CDH13: variants seen among roughly 807,000 people sequenced by gnomAD.
The protein encoded by CDH13 is cadherin 13.
In CDH13, 24 loss-of-function variants were observed where a neutral mutation model predicts 63.8. The ratio of observed to expected loss-of-function variants is 0.38; its 90% CI spans 0.27 to 0.53. The LOEUF (loss-of-function observed/expected upper bound fraction) is 0.53, where lower values mean the gene tolerates loss of function less well. Ranked by LOEUF, CDH13 falls within the 20% of genes least tolerant of loss-of-function variation. The probability of loss-of-function intolerance (pLI) is 0.85; values close to 1 mark genes in which losing one functional copy is unlikely to be tolerated. For missense variants in CDH13, 1,049 were observed against 903.1 expected (o/e 1.16, Z -2.07); for synonymous variants, 503 against 355.3 (o/e 1.42, Z -4.67).
Position 83,019,865 on chromosome 16 carries a change from G to A in CDH13, c.158-12145G>A, listed in dbSNP as rs567608320. The stretch of plus-strand genomic sequence containing the variant: ...AAAAAAAAAAAAAAACAATAAAAAC[G>A]ATAGTATATTAAATATATAAACCAG... On this transcript the variant is annotated intron_variant, in intron 2 of 13. Transcript: ENST00000567109. Among the ~76,000 whole-genome samples the A allele has an allele frequency of 1.1e-4, 16 of 141,152 alleles. No individual in the cohort carries two copies. The East Asian group carries it at 2.4e-3, about 21-fold the overall frequency. The allele number at this position is 141,152 out of a possible 152,430, so 92.6% of individuals were successfully genotyped here.
At chr16:83,080,595 A>G (rs1016169480) in intron 3 of CDH13, among the ~76,000 whole-genome samples, 1 of 152,092 alleles carries the variant, frequency 6.6e-6, no homozygotes, top group Non-Finnish European at 1.5e-5. Context: ...TAAGATTCAG[A>G]TGGTTTAAGT....
chr16:83,356,046 G>C (rs537708250), intron 6 of CDH13, among the ~76,000 whole-genome samples: 14 of 152,236 alleles, frequency 9.2e-5, no homozygotes, highest in African/African-American at 3.4e-4. Flanking sequence ...TCGAAACTCA[G>C]ACCTGTATGA....
At chr16:82,951,106 C>G (rs1027008385) in intron 2 of CDH13, among the ~76,000 whole-genome samples, 4 of 152,080 alleles carry the variant, frequency 2.6e-5, no homozygotes, top group African/African-American at 4.8e-5. Context: ...AGTGAGGGCA[C>G]AGGTCACAAT....
chr16:83,727,232 G>T (rs1298248301), intron 10 of CDH13, among the ~76,000 whole-genome samples: 1 of 151,884 alleles, frequency 6.6e-6, no homozygotes, highest in East Asian at 1.9e-4. Flanking sequence ...GTCTCTGTGG[G>T]TTTGCCTAGT....
chr16:83,256,759 G>A (rs1050546532), intron 5 of CDH13, among the ~76,000 whole-genome samples: 4 of 148,278 alleles, frequency 2.7e-5, no homozygotes, highest in African/African-American at 1.0e-4. Context: ...GCAGGAGAAT[G>A]GCATGAACCC....
intron 1 of CDH13, among the ~76,000 whole-genome samples, chr16:82,703,380 C>A (rs190153519): frequency 8.5e-5 from 13 of 152,248 alleles, no homozygotes; most frequent in Non-Finnish European, 1.3e-4. Flanking sequence ...GCTGCTGGAG[C>A]ATGGCAGGCC....
At position 83,424,093 on chromosome 16, in the gene CDH13, C is replaced by A. The variant is rs117869858; in HGVS notation, c.782-62384C>A. Among the ~76,000 whole-genome samples the A allele has an allele frequency of 7.4e-4, 112 of 151,362 alleles. 3 individuals carry two copies. In the East Asian group the frequency reaches 0.018, roughly 24 times the overall value. The stretch of plus-strand genomic sequence containing the variant: ...GGAAATCCAACAGGGACTGAAAAGT[C>A]TAGAAGAGGGAAATCCAAAACGTAC... On this transcript the variant is annotated intron_variant, in intron 6 of 13. Transcript: ENST00000567109.
intron 1 of CDH13, among the ~76,000 whole-genome samples, chr16:82,701,264 C>G (rs1360793580): frequency 1.3e-5 from 2 of 152,156 alleles, no homozygotes; most frequent in African/African-American, 4.8e-5. Flanking sequence ...GGCCCTAGTT[C>G]AAGGTCCTAT....
intron 6 of CDH13, among the ~76,000 whole-genome samples, chr16:83,466,473 A>C (rs2087373): frequency 0.47 from 70,746 of 151,846 alleles, 17,112 homozygotes; most frequent in East Asian, 0.82. Context: ...AGATGACATA[A>C]GCACACAGCC....
intron 2 of CDH13, among the ~76,000 whole-genome samples, chr16:83,029,312 C>G (rs533095004): frequency 2.5e-4 from 38 of 152,202 alleles, no homozygotes; most frequent in Middle Eastern, 6.8e-3. Context: ...TTGGCTTTAA[C>G]AGTGTGCTAG....
At position 83,470,430 on chromosome 16, in the gene CDH13, A is replaced by G. The variant is rs1342747586; in HGVS notation, c.782-16047A>G. ...GTAGCTCTCCTGGCCATCCCTTTGC[A>G]TAGGCCATAGTGGAAGCTTATAATT... On this transcript the variant is annotated intron_variant, in intron 6 of 13. Coordinates refer to ENST00000567109, the MANE Select transcript of CDH13 (RefSeq NM_001257.5). Among the ~76,000 whole-genome samples, 3 of 152,300 alleles carry G rather than the reference A, an allele frequency of 2.0e-5. No individual in the cohort carries two copies. The East Asian group carries it at 5.8e-4, about 29-fold the overall frequency.
chr16:82,925,411 G>C (rs1487347460), intron 2 of CDH13, among the ~76,000 whole-genome samples: 2 of 152,192 alleles, frequency 1.3e-5, no homozygotes, highest in East Asian at 3.8e-4. Flanking sequence ...CATGGCATTT[G>C]TATGCTGGGA....
chr16:82,724,897 C>G (rs1211266662), intron 1 of CDH13, among the ~76,000 whole-genome samples: 1 of 152,192 alleles, frequency 6.6e-6, no homozygotes, highest in Non-Finnish European at 1.5e-5. Flanking sequence ...GCCATTCTCT[C>G]TGTGACTCAG....
chr16:83,443,578 G>A (rs2072547829), intron 6 of CDH13, among the ~76,000 whole-genome samples: 1 of 151,752 alleles, frequency 6.6e-6, no homozygotes, highest in East Asian at 1.9e-4. Context: ...CTTCCTAAAG[G>A]AATCAGTGTC....
rs116627526 is a variant in CDH13 at position 82,634,471 on chromosome 16, C to T, written c.45+7334C>T. 6.6e-3 allele frequency among the ~76,000 whole-genome samples: 1,009 copies of T among 152,330 alleles called. 11 individuals carry two copies. The highest frequency in any genetic ancestry group is 0.023 in the African/African-American group (970 of 41,568). ...TCAGACTGCCCGGAGTATCCCTCCT[C>T]AACTGCCATCAGCCGTCGGGCATCT... is the stretch of plus-strand genomic sequence containing the variant. On this transcript the variant is annotated intron_variant, in intron 1 of 13. Transcript: ENST00000567109.
intron 1 of CDH13, among the ~76,000 whole-genome samples, chr16:82,784,563 G>A (rs1007561506): frequency 2.6e-5 from 4 of 152,158 alleles, no homozygotes; most frequent in African/African-American, 4.8e-5. Flanking sequence ...GAATACCCAC[G>A]GTCCTTGCCC....
intron 5 of CDH13, among the ~76,000 whole-genome samples, chr16:83,250,531 G>C (rs1378469062): frequency 6.6e-6 from 1 of 152,168 alleles, no homozygotes; most frequent in Admixed American, 6.5e-5. Context: ...GCAGAGAAGC[G>C]AGCGTTCATA....
intron 2 of CDH13, among the ~76,000 whole-genome samples, chr16:82,921,342 T>C (rs2042148147): frequency 6.6e-6 from 1 of 152,174 alleles, no homozygotes; most frequent in Non-Finnish European, 1.5e-5. Context: ...TTCCTTTGCT[T>C]GTAGTCACAT....
intron 9 of CDH13, 129 bp downstream of exon 9, chr16:83,671,101 C>T (rs1914461667): frequency 3.7e-6 from 3 of 805,726 alleles, no homozygotes; most frequent in Non-Finnish European, 3.9e-6. Context: ...TGGGAATTAA[C>T]AAAGGAAAAG....
Sources: allele counts gnomAD v4.1 joint callset (sites outside exome capture counted in the v4.1 genomes callset), GRCh38; gene constraint gnomAD v4.1.1; transcripts MANE v1.5; gene names NCBI Gene and HGNC (gene_info 2026-07-23, HGNC 2026-07-21).